Variants in ALPK1 observed in about 807,000 individuals in gnomAD.
ALPK1 encodes alpha kinase 1, also known as alpha-protein kinase 1.
Under a neutral mutation model 120.6 loss-of-function variants are expected in ALPK1, and 110 were observed. That is an observed-to-expected ratio of 0.91 (90% confidence interval 0.78 to 1.07). ALPK1 has a LOEUF of 1.07. Among genes scored for constraint, ALPK1 ranks in the 50% least tolerant of loss-of-function variants. ALPK1 has a pLI of 0.00. For missense variants in ALPK1, 1,498 were observed against 1,483.9 expected (o/e 1.01, Z -0.16); for synonymous variants, 582 against 560.3 (o/e 1.04, Z -0.55).
At chr4:112,375,072 C>A (rs995199729) in intron 2 of ALPK1, among the ~76,000 whole-genome samples, 37 of 152,302 alleles carry the variant, frequency 2.4e-4, no homozygotes, top group African/African-American at 8.2e-4. Context: ...TTGACTCCTC[C>A]CCTCTAGATA....
chr4:112,431,361 G>T lies in ALPK1; in HGVS notation c.1814G>T (p.Arg605Met). The T allele has an allele frequency of 1.2e-6, 2 of 1,614,208 alleles. No homozygotes were observed. Among genetic ancestry groups the T allele is most frequent in the Non-Finnish European group, 1.7e-6 (2 of 1,180,050 alleles). The change falls in exon 11 of 16, where the codon AGG becomes ATG. Residue 605 changes from arginine (R) to methionine (M), a missense_variant. Coordinates refer to ENST00000650871, the MANE Select transcript of ALPK1 (RefSeq NM_025144.4). The part of the protein sequence containing the change: ...WEEVNYHVDD[R>M]SARKEPGKEH... Reference sequence around the variant, plus strand: ...GAAGTGAATTATCACGTTGACGACAGGTCAGCCAGAAAAGAGCCTGGCAAA... The same window carrying T: ...GAAGTGAATTATCACGTTGACGACATGTCAGCCAGAAAAGAGCCTGGCAAA...
intron 2 of ALPK1, chr4:112,357,870 G>A (rs751940868): frequency 3.9e-5 from 45 of 1,155,568 alleles, no homozygotes; most frequent in Admixed American, 1.9e-4. Context: ...AGATGGAGGC[G>A]CTGAGGCCGC....
intron 4 of ALPK1, among the ~76,000 whole-genome samples, chr4:112,399,373 AT>A (rs1267993176): frequency 2.0e-5 from 3 of 152,202 alleles, no homozygotes; most frequent in Non-Finnish European, 2.9e-5. Context: ...ATGAGAATAA[AT>A]AAATGGTCAC....
intron 3 of ALPK1, among the ~76,000 whole-genome samples, chr4:112,380,729 G>A (rs2148728267): frequency 6.6e-6 from 1 of 152,142 alleles, no homozygotes; most frequent in South Asian, 2.1e-4. Flanking sequence ...CAAAGGGCCA[G>A]CTAGAAGATG....
At chr4:112,376,139 T>C (rs986346294) in intron 2 of ALPK1, among the ~76,000 whole-genome samples, 12 of 152,108 alleles carry the variant, frequency 7.9e-5, no homozygotes, top group African/African-American at 2.9e-4. Context: ...ATAACAGATA[T>C]AATAATAATG....
chr4:112,399,720 G>A (rs765978375), intron 4 of ALPK1, among the ~76,000 whole-genome samples: 1 of 152,068 alleles, frequency 6.6e-6, no homozygotes, highest in Non-Finnish European at 1.5e-5. Flanking sequence ...CATGCATCAG[G>A]TATTTGTCGT....
intron 2 of ALPK1, among the ~76,000 whole-genome samples, chr4:112,360,713 T>C (rs773757926): frequency 6.6e-6 from 1 of 152,218 alleles, no homozygotes; most frequent in Non-Finnish European, 1.5e-5. Flanking sequence ...TGAGGATCTA[T>C]TGGTGTTTCT....
At chr4:112,300,052 G>C (rs533791619) in intron 1 of ALPK1, among the ~76,000 whole-genome samples, 1 of 152,168 alleles carries the variant, frequency 6.6e-6, no homozygotes, top group South Asian at 2.1e-4. Context: ...TCTAGACAAG[G>C]GAAAAATTCG....
At chr4:112,300,143 G>A (rs951488015) in intron 1 of ALPK1, among the ~76,000 whole-genome samples, 1 of 152,096 alleles carries the variant, frequency 6.6e-6, no homozygotes, top group Non-Finnish European at 1.5e-5. Flanking sequence ...AAAAGATACT[G>A]TACCCATAAA....
intron 4 of ALPK1, among the ~76,000 whole-genome samples, chr4:112,404,871 C>T (rs576240511): frequency 1.3e-5 from 2 of 152,316 alleles, no homozygotes; most frequent in East Asian, 3.9e-4. Flanking sequence ...TGGCCAAGAA[C>T]AGTCATAGTC....
At chr4:112,416,690 C>T (rs1245449300) in intron 5 of ALPK1, among the ~76,000 whole-genome samples, 3 of 151,990 alleles carry the variant, frequency 2.0e-5, no homozygotes, top group Non-Finnish European at 4.4e-5. Context: ...GCCTGGGCAA[C>T]ACAGGATGAT....
At chr4:112,372,879 G>C (rs998104160) in intron 2 of ALPK1, among the ~76,000 whole-genome samples, 1 of 152,076 alleles carries the variant, frequency 6.6e-6, no homozygotes, top group African/African-American at 2.4e-5. Flanking sequence ...ACAGCACTAA[G>C]AAAACATAAG....
Position 112,377,852 on chromosome 4 carries a change from G to A in ALPK1, c.75G>A (p.Ala25=), listed in dbSNP as rs61747962. The change falls in exon 3 of 16, where the codon GCG becomes GCA. Residue 25 remains alanine, a synonymous_variant. Transcript: ENST00000650871. Reference sequence around the variant, plus strand: ...TGCTGGATCAGCTCTTGTTGGAAGCGCCAGATGTGTCGGAAGAGGACAAGA... The same window carrying A: ...TGCTGGATCAGCTCTTGTTGGAAGCACCAGATGTGTCGGAAGAGGACAAGA... ...KQVLDQLLLE[A]PDVSEEDKSE... 2,421 of 1,613,496 alleles carry A rather than the reference G, an allele frequency of 1.5e-3. 38 individuals carry two copies. The African/African-American group carries it at 0.029, about 19-fold the overall frequency.
intron 2 of ALPK1, among the ~76,000 whole-genome samples, chr4:112,334,824 C>G (rs971916506): frequency 6.6e-6 from 1 of 152,156 alleles, no homozygotes; most frequent in Non-Finnish European, 1.5e-5. Flanking sequence ...GAAAAAAAAT[C>G]CTGGGCTACT....
At chr4:112,372,276 T>C (rs1005702646) in intron 2 of ALPK1, among the ~76,000 whole-genome samples, 1 of 151,332 alleles carries the variant, frequency 6.6e-6, no homozygotes, top group Non-Finnish European at 1.5e-5. Flanking sequence ...TGCAGTGGCG[T>C]GATCTTGGTT....
chr4:112,358,753 C>G lies in ALPK1; in HGVS notation c.-100-18925C>G. ...GTCAGCCACTCGGAGGAGCCCGTGG[C>G]TGGTGCACAGATGAACACGGCCAAG... On this transcript the variant is annotated intron_variant, in intron 2 of 15. Coordinates refer to ENST00000650871, the MANE Select transcript of ALPK1 (RefSeq NM_025144.4). The G allele has an allele frequency of 3.7e-6, 3 of 801,872 alleles. No homozygotes were observed. The South Asian group carries it at 4.0e-5, about 11-fold the overall frequency. 49.7% of individuals were successfully genotyped at this position (801,872 alleles called of 1,614,324 possible).
intron 2 of ALPK1, among the ~76,000 whole-genome samples, chr4:112,322,975 A>T (rs1481029628): frequency 6.6e-6 from 1 of 152,252 alleles, no homozygotes; most frequent in Non-Finnish European, 1.5e-5. Context: ...AAACTTGATT[A>T]AAGTCTGTGT....
At chr4:112,330,941 C>T (rs1723707484) in intron 2 of ALPK1, among the ~76,000 whole-genome samples, 1 of 152,178 alleles carries the variant, frequency 6.6e-6, no homozygotes, top group African/African-American at 2.4e-5. Context: ...ACATCCAGAA[C>T]ACATGTCCAT....
chr4:112,434,345 A>G (rs913304084), intron 11 of ALPK1, among the ~76,000 whole-genome samples: 3 of 152,142 alleles, frequency 2.0e-5, no homozygotes, highest in South Asian at 4.1e-4. Context: ...CGCCCAGCCC[A>G]CAGGCATCCC....
Sources: allele counts gnomAD v4.1 joint callset (sites outside exome capture counted in the v4.1 genomes callset), GRCh38; gene constraint gnomAD v4.1.1; transcripts MANE v1.5; gene names NCBI Gene and HGNC (gene_info 2026-07-23, HGNC 2026-07-21).